Variants in NOTCH2 observed in about 807,000 individuals in gnomAD.
NOTCH2 encodes the protein notch receptor 2, also known as neurogenic locus notch homolog protein 2.
A neutral mutation model predicts 235.8 loss-of-function variants in NOTCH2; 29 were observed. The observed-to-expected ratio is 0.12, with a 90% CI of 0.09 to 0.17. The LOEUF (loss-of-function observed/expected upper bound fraction) is 0.17. Among genes scored for constraint, NOTCH2 ranks in the 10% least tolerant of loss-of-function variants. The pLI is 1.00. For synonymous variants in NOTCH2, 1,086 were observed against 1,141.5 expected (o/e 0.95, Z 0.98); for missense variants, 2,285 against 3,150.2 (o/e 0.73, Z 6.57).
chr1:119,990,539 ATAT>A (rs1415298989), intron 4 of NOTCH2, among the ~76,000 whole-genome samples: 3 of 151,706 alleles, frequency 2.0e-5, no homozygotes, highest in African/African-American at 7.3e-5. Context: ...ATATTAGCTA[ATAT>A]TATTATTTGT....
At position 119,955,179 on chromosome 1, in the gene NOTCH2, C is replaced by T; in HGVS notation, c.2080G>A (p.Gly694Ser). The change falls in exon 13 of 34, where the codon GGT (glycine) becomes AGT (serine). Residue 694 changes from glycine (G) to serine (S), a missense_variant. This residue lies in a region of NOTCH2 where 1,173 missense variants were observed against 1,515.3 expected (regional missense o/e 0.77). Transcript: ENST00000256646. ...TTCACACCGTTGATACATGTTGCAC[C>T]CTTGCGACAGGGATTGGAGGCACAC... ...DECASNPCRK[G>S]ATCINGVNGF... is the part of the protein sequence containing the mutation. 1 of 1,614,022 alleles carries T rather than the reference C, an allele frequency of 6.2e-7. No individual in the cohort carries two copies. The highest frequency in any genetic ancestry group is 8.5e-7 in the Non-Finnish European group (1 of 1,179,996).
In NOTCH2 at chr1:119,940,704, A is replaced by G. The variant is rs77194332; in HGVS notation, c.3034T>C (p.Leu1012=). ...CVDGINSFSC[L]CPVGFTGSFC... ...GATCCAGTGAAACCCACAGGGCACA[A>G]GCAAGAGAAGGAGTTAATCCCATCA... Residue 1012 remains leucine (L), a synonymous_variant, in exon 19 of 34, where the codon TTG becomes CTG. Transcript: ENST00000256646. 754 of 1,614,220 alleles carry G rather than the reference A, an allele frequency of 4.7e-4. 6 individuals carry two copies. The East Asian group carries it at 0.015, about 32-fold the overall frequency.
At chr1:119,944,555 A>AG in intron 17 of NOTCH2, among the ~76,000 whole-genome samples, 1 of 150,660 alleles carries the variant, frequency 6.6e-6, no homozygotes, top group African/African-American at 2.4e-5. Context: ...AAAAAAAAAA[A>AG]GACCACCACA....
chr1:119,965,720 T>C (rs1245497116), intron 9 of NOTCH2, among the ~76,000 whole-genome samples, 154 bp from the exon 10 acceptor site: 16 of 152,224 alleles, frequency 1.1e-4, no homozygotes, highest in African/African-American at 3.6e-4. Flanking sequence ...AATAACCAGG[T>C]GACACTCAGG....
chr1:119,915,353 T>C lies in NOTCH2; in HGVS notation c.7369A>G (p.Thr2457Ala). ...GAGGGQRGPG[T>A]HMSEPPHNNM... ...TTGTGTGGTGGCTCAGACATGTGTG[T>C]CCCAGGTCCCCGCTGACCTCCTCCA... The change falls in exon 34 of 34, where the codon ACA (threonine) becomes GCA (alanine). Residue 2457 changes from threonine to alanine, a missense_variant. By Grantham distance (58) the Thr-to-Ala change is moderately conservative. Coordinates refer to ENST00000256646, the MANE Select transcript of NOTCH2 (RefSeq NM_024408.4). 1 of 1,614,062 alleles carries C rather than the reference T, an allele frequency of 6.2e-7. No individual in the cohort carries two copies. Among genetic ancestry groups the C allele is most frequent in the Non-Finnish European group, 8.5e-7 (1 of 1,180,034 alleles).
intron 12 of NOTCH2, among the ~76,000 whole-genome samples, chr1:119,957,122 G>T (rs113611179): frequency 1.3e-5 from 2 of 152,184 alleles, no homozygotes; most frequent in African/African-American, 2.4e-5. Flanking sequence ...TTCACTAAGC[G>T]TTTCCTACGT....
chr1:119,940,443 C>A, intron 19 of NOTCH2, 112 bp downstream of exon 19: 1 of 982,476 alleles, frequency 1.0e-6, no homozygotes. Context: ...CAGGGAATCC[C>A]TGAGATCCAC....
chr1:120,017,389 C>A (rs1200897138), intron 2 of NOTCH2, among the ~76,000 whole-genome samples: 1 of 152,104 alleles, frequency 6.6e-6, no homozygotes, highest in Non-Finnish European at 1.5e-5. Context: ...GTTCTTATAA[C>A]CCTGAGCCTG....
intron 5 of NOTCH2, among the ~76,000 whole-genome samples, chr1:119,977,692 T>G (rs1227445527): frequency 6.6e-6 from 1 of 152,224 alleles, no homozygotes; most frequent in Non-Finnish European, 1.5e-5. Context: ...ATAGTCTTCA[T>G]ATATAATTAG....
chr1:119,950,852 A>G lies in NOTCH2; in HGVS notation c.2366-15T>C, dbSNP rs1553197721. 1 of 1,530,934 alleles carries G rather than the reference A, an allele frequency of 6.5e-7. No homozygotes were observed. The highest frequency in any genetic ancestry group is 9.1e-7 in the Non-Finnish European group (1 of 1,104,114). 94.8% of individuals were successfully genotyped at this position (1,530,934 alleles called of 1,614,324 possible). ...GCAGTTATAGCCTGTAGACAAAAGG[A>G]AAAAACCAAAAACAGTAAAACTTTC... On this transcript the variant is annotated splice_polypyrimidine_tract_variant and intron_variant, in intron 14 of 33. Coordinates refer to ENST00000256646, the MANE Select transcript of NOTCH2 (RefSeq NM_024408.4).
At chr1:119,917,159 A>C (rs1185481985) in intron 33 of NOTCH2, among the ~76,000 whole-genome samples, 1 of 151,858 alleles carries the variant, frequency 6.6e-6, no homozygotes, top group Non-Finnish European at 1.5e-5. Flanking sequence ...GGGAAAAGTA[A>C]GGGAAACAGT....
At chr1:119,973,245 T>G (rs1424842437) in intron 5 of NOTCH2, among the ~76,000 whole-genome samples, 12 of 152,182 alleles carry the variant, frequency 7.9e-5, no homozygotes, top group Non-Finnish European at 1.6e-4. Context: ...CAGATTATTT[T>G]CTCCCTATTA....
Position 119,959,891 on chromosome 1 carries a change from T to C in NOTCH2, c.1916-389A>G, listed in dbSNP as rs1304475308. 2.6e-5 allele frequency among the ~76,000 whole-genome samples: 4 copies of C among 152,226 alleles called. No homozygotes were observed. The East Asian group carries it at 7.7e-4, about 29-fold the overall frequency. ...ACGCCAGTTTCACTCAAGAGTGGCT[T>C]TGTTGGAAGTTAAAATTAGTAACTT... On this transcript the variant is annotated intron_variant, in intron 11 of 33. Transcript: ENST00000256646.
At chr1:120,062,917 C>A (rs1553216482) in intron 1 of NOTCH2, among the ~76,000 whole-genome samples, 1 of 152,196 alleles carries the variant, frequency 6.6e-6, no homozygotes, top group Non-Finnish European at 1.5e-5. Context: ...ATCCCCCTTT[C>A]TTGGCTTTAC....
intron 1 of NOTCH2, among the ~76,000 whole-genome samples, chr1:120,053,597 G>A (rs1479553960): frequency 2.3e-5 from 3 of 133,298 alleles, no homozygotes; most frequent in Admixed American, 2.2e-4. Flanking sequence ...TTCACAGTGA[G>A]TTAACCTACA....
In NOTCH2 at chr1:119,950,575, G is replaced by C. The variant is rs782240220; in HGVS notation, c.2479+149C>G. The C allele has an allele frequency of 2.1e-5, 15 of 718,230 alleles. No homozygotes were observed. The highest frequency in any genetic ancestry group is 4.6e-4 in the Middle Eastern group (2 of 4,380). 44.5% of individuals were successfully genotyped at this position (718,230 alleles called of 1,614,324 possible). On this transcript the variant is annotated intron_variant, in intron 15 of 33. Coordinates refer to ENST00000256646, the MANE Select transcript of NOTCH2 (RefSeq NM_024408.4). Reference sequence around the variant, plus strand: ...GCCACAATGTTTCCTCAAAGCTCAAGATCCAGTCAGTAAAGGCAGGAAGGA... The same window carrying C: ...GCCACAATGTTTCCTCAAAGCTCAACATCCAGTCAGTAAAGGCAGGAAGGA...
intron 1 of NOTCH2, chr1:120,069,010 G>A (rs1553217696): frequency 3.0e-6 from 4 of 1,312,610 alleles, no homozygotes; most frequent in Admixed American, 2.1e-5. Flanking sequence ...GAACCTGAAG[G>A]GCAAAACTGC....
intron 5 of NOTCH2, 132 bp downstream of exon 5, chr1:119,986,828 G>C: frequency 9.1e-7 from 1 of 1,101,782 alleles, no homozygotes; most frequent in South Asian, 1.3e-5. Flanking sequence ...ATCTAGCATG[G>C]AGATCCTGCT....
intron 4 of NOTCH2, 77 bp downstream of exon 4, chr1:119,996,920 C>T: frequency 6.4e-7 from 1 of 1,553,046 alleles, no homozygotes; most frequent in Non-Finnish European, 8.8e-7. Flanking sequence ...TTCCTAAAAA[C>T]AGCAATTGAG....
Sources: gnomAD v4.1 joint callset for allele counts (sites outside exome capture counted in the v4.1 genomes callset) on GRCh38, gnomAD v4.1.1 for gene constraint, gnomAD v4.1.1 regional missense constraint, MANE v1.5 for transcripts, NCBI Gene and HGNC (gene_info 2026-07-23, HGNC 2026-07-21) for gene names.